Variants in MYH10 observed in about 807,000 individuals in gnomAD.
MYH10 encodes the protein myosin-10.
MYH10 carries 55 observed loss-of-function variants against 257.8 expected under a neutral mutation model. The ratio of observed to expected loss-of-function variants is 0.21; its 90% CI spans 0.17 to 0.27. MYH10 has a LOEUF of 0.27. Among genes scored for constraint, MYH10 ranks in the 10% least tolerant of loss-of-function variants. The pLI, the probability that MYH10 is intolerant of heterozygous loss-of-function variation, is 1.00. For missense variants in MYH10, 1,631 were observed against 2,500.6 expected (o/e 0.65, Z 7.42); for synonymous variants, 854 against 921.7 (o/e 0.93, Z 1.33).
At chr17:8,549,737 C>T (rs1470834790) in intron 9 of MYH10, among the ~76,000 whole-genome samples, 2 of 152,164 alleles carry the variant, frequency 1.3e-5, no homozygotes, top group Admixed American at 6.5e-5. Context: ...CACGGTCTCC[C>T]TCTCATGCTG....
intron 37 of MYH10, among the ~76,000 whole-genome samples, chr17:8,482,640 C>T (rs1272835349): frequency 6.6e-6 from 1 of 152,228 alleles, no homozygotes; most frequent in Non-Finnish European, 1.5e-5. Context: ...GCCAGATGAA[C>T]GGAGGTGTTT....
intron 2 of MYH10, among the ~76,000 whole-genome samples, chr17:8,612,131 T>C (rs752924995): frequency 6.6e-6 from 1 of 152,240 alleles, no homozygotes; most frequent in Non-Finnish European, 1.5e-5. Context: ...TCCAGCATCA[T>C]CATGCTGTAC....
At chr17:8,624,838 G>A (rs558573188) in intron 1 of MYH10, among the ~76,000 whole-genome samples, 104 of 152,288 alleles carry the variant, frequency 6.8e-4, no homozygotes, top group African/African-American at 2.4e-3. Context: ...AGGAGTGCTT[G>A]AAGCCAAATA....
At chr17:8,481,585 C>G in intron 37 of MYH10, 175 bp from the exon 38 acceptor site, 1 of 570,404 alleles carries the variant, frequency 1.8e-6, no homozygotes, top group South Asian at 2.1e-5. Flanking sequence ...TGCAGGCCAG[C>G]CAGGTGGTGT....
chr17:8,495,485 C>T lies in MYH10; in HGVS notation c.3952-244G>A, dbSNP rs974142831. ...CTCTACCCATGAAAAGGACAGGGGG[C>T]GGGGGGTCTCCTAACTGGTTTCCTA... On this transcript the variant is annotated intron_variant, in intron 30 of 42. Transcript: ENST00000360416. Among the ~76,000 whole-genome samples, 11 of 152,092 alleles carry T rather than the reference C, an allele frequency of 7.2e-5. No homozygotes were observed. The East Asian group carries it at 7.7e-4, about 11-fold the overall frequency.
chr17:8,530,746 T>A (rs1467978101), intron 16 of MYH10, 61 bp from the exon 17 acceptor site: 1 of 1,301,566 alleles, frequency 7.7e-7, no homozygotes, highest in East Asian at 2.5e-5. Context: ...CTTCAGTTAG[T>A]GTGAAAGACA....
intron 13 of MYH10, among the ~76,000 whole-genome samples, chr17:8,544,008 G>A (rs1011187800): frequency 1.3e-5 from 2 of 152,214 alleles, no homozygotes; most frequent in South Asian, 4.1e-4. Flanking sequence ...GTATGTGTGT[G>A]ACCCTGATTT....
chr17:8,584,438 C>A (rs767693010), intron 4 of MYH10, among the ~76,000 whole-genome samples: 15 of 152,156 alleles, frequency 9.9e-5, no homozygotes, highest in Non-Finnish European at 2.2e-4. Context: ...GCCTTTTTTA[C>A]AAGCAGTTTT....
intron 3 of MYH10, among the ~76,000 whole-genome samples, chr17:8,592,122 C>A (rs117836785): frequency 0.013 from 1,959 of 152,278 alleles, 27 homozygotes; most frequent in East Asian, 0.018. Context: ...CATTTGATAG[C>A]TCAGTATTTT....
At chr17:8,495,684 C>T (rs1027529220) in intron 30 of MYH10, among the ~76,000 whole-genome samples, 1 of 151,782 alleles carries the variant, frequency 6.6e-6, no homozygotes, top group Non-Finnish European at 1.5e-5. Flanking sequence ...TCTTATAGAA[C>T]TTGAAGCTTC....
intron 35 of MYH10, among the ~76,000 whole-genome samples, chr17:8,489,275 C>A (rs1449562820): frequency 1.3e-5 from 2 of 152,210 alleles, no homozygotes; most frequent in East Asian, 1.9e-4. Context: ...CTTCCCAATT[C>A]CTCACCCACA....
rs2082411397 is a variant in MYH10, at chr17:8,545,357, C to T, written c.1431+91G>A. 7.0e-7 allele frequency: 1 copy of T among 1,419,106 alleles called. No homozygotes were observed. Among genetic ancestry groups the T allele is most frequent in the Non-Finnish European group, 9.7e-7 (1 of 1,031,872 alleles). The allele number at this position is 1,419,106 out of a possible 1,614,324, so 87.9% of individuals were successfully genotyped here. ...ATGGCAGGGACTGTATCCCTGGTGC[C>T]TCGTATGTACTGGGCACACAGTAAG... On this transcript the variant is annotated intron_variant, in intron 13 of 42. Coordinates refer to ENST00000360416, the MANE Select transcript of MYH10 (RefSeq NM_001256012.3). The surrounding 1 kb of genome is among the most constrained non-coding windows in gnomAD (Gnocchi z 4.7).
intron 17 of MYH10, among the ~76,000 whole-genome samples, chr17:8,527,834 C>T (rs1410945177): frequency 1.3e-5 from 2 of 152,210 alleles, no homozygotes; most frequent in Non-Finnish European, 2.9e-5. Flanking sequence ...GAGTTTCCAA[C>T]TATTGCTAAC....
chr17:8,539,495 C>A (rs538607092), intron 14 of MYH10, among the ~76,000 whole-genome samples: 1 of 152,222 alleles, frequency 6.6e-6, no homozygotes, highest in South Asian at 2.1e-4. Flanking sequence ...GCTTCAAGAT[C>A]AGGTTCTTGA....
In MYH10 at chr17:8,490,899, G is replaced by A. The variant is rs1193247470; in HGVS notation, c.4672-347C>T. The stretch of plus-strand genomic sequence containing the variant: ...TCTGTTGACTGACTCCTTGCCTGCT[G>A]TCTGTGAGGAACAAGTACAACAGTA... On this transcript the variant is annotated intron_variant, in intron 34 of 42. Transcript: ENST00000360416. The surrounding 1 kb of genome is among the most constrained non-coding windows in gnomAD (Gnocchi z 4.1). Among the ~76,000 whole-genome samples the A allele has an allele frequency of 1.3e-5, 2 of 152,226 alleles. No individual in the cohort carries two copies. Among genetic ancestry groups the A allele is most frequent in the African/African-American group, 4.8e-5 (2 of 41,464 alleles).
chr17:8,552,338 C>T lies in MYH10; in HGVS notation c.821-194G>A, dbSNP rs556695038. Reference sequence around the variant, plus strand: ...AAGAAAATAGGTGCAACTTACGTTCCTCACTGATCTTCCAGAATCATTGGT... The same window carrying T: ...AAGAAAATAGGTGCAACTTACGTTCTTCACTGATCTTCCAGAATCATTGGT... On this transcript the variant is annotated intron_variant, in intron 8 of 42. Transcript: ENST00000360416. This position sits in a 1 kb window ranked among gnomAD's most constrained non-coding sequence, Gnocchi z 4.8. 2.6e-5 allele frequency among the ~76,000 whole-genome samples: 4 copies of T among 152,278 alleles called. No homozygotes were observed. In the East Asian group the frequency reaches 5.8e-4, roughly 22 times the overall value.
intron 2 of MYH10, among the ~76,000 whole-genome samples, chr17:8,610,538 GC>G (rs1482304999): frequency 6.6e-6 from 1 of 152,180 alleles, no homozygotes; most frequent in Non-Finnish European, 1.5e-5. Context: ...AAAAGCATGT[GC>G]TGGAAATTTA....
chr17:8,540,166 T>G (rs964271600), intron 14 of MYH10, among the ~76,000 whole-genome samples: 6 of 152,114 alleles, frequency 3.9e-5, no homozygotes, highest in Non-Finnish European at 8.8e-5. Flanking sequence ...ATTTTCTGTA[T>G]TTTTAGTAGA....
At chr17:8,499,009 C>G (rs1169115768) in intron 30 of MYH10, among the ~76,000 whole-genome samples, 2 of 152,186 alleles carry the variant, frequency 1.3e-5, no homozygotes, top group Non-Finnish European at 2.9e-5. Flanking sequence ...GTGCTTAAAA[C>G]TGTTAAGCAA....
Sources: gnomAD v4.1 joint callset for allele counts (sites outside exome capture counted in the v4.1 genomes callset) on GRCh38, gnomAD v4.1.1 for gene constraint, Gnocchi (gnomAD v3.1) non-coding constraint, MANE v1.5 for transcripts, NCBI Gene and HGNC (gene_info 2026-07-23, HGNC 2026-07-21) for gene names.